PALLD: variants seen among roughly 807,000 people sequenced by gnomAD.
PALLD encodes the protein palladin.
A neutral mutation model predicts 123.5 loss-of-function variants in PALLD; 61 were observed. The ratio of observed to expected loss-of-function variants is 0.49; its 90% CI spans 0.40 to 0.61. The LOEUF is 0.61. PALLD is among the 20% of genes least tolerant of loss of function. PALLD has a pLI of 0.00. For missense variants in PALLD, 1,273 were observed against 1,377.0 expected (o/e 0.92, Z 1.20); for synonymous variants, 465 against 496.4 (o/e 0.94, Z 0.84).
intron 8 of PALLD, among the ~76,000 whole-genome samples, chr4:168,704,869 C>T (rs968500881): frequency 2.6e-5 from 4 of 151,884 alleles, no homozygotes; most frequent in African/African-American, 7.3e-5. Flanking sequence ...CCAAAAAGAT[C>T]CTGTCTTTGT....
At chr4:168,661,429 T>C (rs986265510) in intron 2 of PALLD, among the ~76,000 whole-genome samples, 4 of 152,180 alleles carry the variant, frequency 2.6e-5, no homozygotes, top group African/African-American at 9.6e-5. Context: ...AATTGATTGA[T>C]GAATGAATGA....
intron 10 of PALLD, among the ~76,000 whole-genome samples, chr4:168,769,844 G>A (rs769303735): frequency 1.3e-5 from 2 of 152,298 alleles, no homozygotes; most frequent in African/African-American, 2.4e-5. Context: ...AAAGCCTGAT[G>A]TAAAATCTTG....
rs1317336146 is a variant in PALLD, at chr4:168,921,755, T to G, written c.3058+14T>G. 2 of 1,594,590 alleles carry G rather than the reference T, an allele frequency of 1.3e-6. No homozygotes were observed. Among genetic ancestry groups the G allele is most frequent in the Non-Finnish European group, 1.7e-6 (2 of 1,164,418 alleles). ...TTGTGGTTGCTGGTAGGCTCATCTG[T>G]GAATCCTTGCTCTCTGACAGAATGA... On this transcript the variant is annotated intron_variant, in intron 18 of 21. Coordinates refer to ENST00000505667, the MANE Select transcript of PALLD (RefSeq NM_001166108.2).
At chr4:168,769,920 A>G (rs1399317681) in intron 10 of PALLD, among the ~76,000 whole-genome samples, 2 of 152,212 alleles carry the variant, frequency 1.3e-5, no homozygotes, top group Non-Finnish European at 2.9e-5. Context: ...ATCTCTCCCA[A>G]ATGAGGCCAT....
chr4:168,835,287 A>G (rs929705696), intron 10 of PALLD, among the ~76,000 whole-genome samples: 1 of 152,250 alleles, frequency 6.6e-6, no homozygotes, highest in African/African-American at 2.4e-5. Flanking sequence ...TATTTTACAA[A>G]TAATCTTCTA....
intron 10 of PALLD, among the ~76,000 whole-genome samples, chr4:168,753,465 G>T (rs535000727): frequency 6.7e-6 from 1 of 150,092 alleles, no homozygotes; most frequent in African/African-American, 2.5e-5. Context: ...TACCAACTCC[G>T]CCCTAGCCAG....
chr4:168,619,223 G>A (rs897081341), intron 2 of PALLD, among the ~76,000 whole-genome samples: 3 of 152,170 alleles, frequency 2.0e-5, no homozygotes, highest in Non-Finnish European at 2.9e-5. Flanking sequence ...TTTCTGAAGC[G>A]AGATAACTTG....
In PALLD at chr4:168,837,558, C is replaced by T. The variant is rs1007224173; in HGVS notation, c.1965-53364C>T. Among the ~76,000 whole-genome samples the T allele has an allele frequency of 1.2e-4, 19 of 152,114 alleles. 1 individual carries two copies. The highest frequency in any genetic ancestry group is 3.9e-4 in the African/African-American group (16 of 41,408). ...TTCGAATTAATCATAGAATATATACCGTTCGTTGAGTACTTCAAACCAGAA... is the reference window on the plus strand; with the variant it reads ...TTCGAATTAATCATAGAATATATACTGTTCGTTGAGTACTTCAAACCAGAA... On this transcript the variant is annotated intron_variant, in intron 10 of 21. Transcript: ENST00000505667.
chr4:168,776,406 A>G (rs1357460477), intron 10 of PALLD, among the ~76,000 whole-genome samples: 2 of 152,166 alleles, frequency 1.3e-5, no homozygotes, highest in East Asian at 1.9e-4. Context: ...TAGCATTTTT[A>G]TAGATTCCAT....
chr4:168,761,645 G>GTTTTTTTTTTTGTTTTTTTTTTTT (rs1732877276), intron 10 of PALLD, among the ~76,000 whole-genome samples: 1 of 88,024 alleles, frequency 1.1e-5, no homozygotes. Flanking sequence ...GTTGTTGTTT[G>GTTTTTTTTTTTGTTTTTTTTTTTT]TTTTTTTTTT....
chr4:168,849,534 T>G (rs959739989), intron 10 of PALLD, among the ~76,000 whole-genome samples: 1 of 152,242 alleles, frequency 6.6e-6, no homozygotes, highest in Non-Finnish European at 1.5e-5. Flanking sequence ...GAATGTCTGC[T>G]TTTTAAAGTC....
chr4:168,712,263 G>A (rs1784905438), intron 10 of PALLD: 1 of 395,304 alleles, frequency 2.5e-6, no homozygotes, highest in Admixed American at 3.8e-5. Context: ...TTTATTAAAA[G>A]CATTTCAAAA....
chr4:168,623,188 C>T (rs1314345382), intron 2 of PALLD, among the ~76,000 whole-genome samples: 1 of 152,112 alleles, frequency 6.6e-6, no homozygotes, highest in African/African-American at 2.4e-5. Context: ...ATTGGGGATA[C>T]CTGCTCTGCC....
chr4:168,692,253 T>C (rs1782703849), intron 8 of PALLD, among the ~76,000 whole-genome samples: 1 of 152,142 alleles, frequency 6.6e-6, no homozygotes, highest in African/African-American at 2.4e-5. Context: ...GTGTACTGGA[T>C]CTTTAAAAGC....
rs1276023130 is a variant in PALLD, at chr4:168,913,976, G to C, written c.2672G>C (p.Arg891Thr). Reference protein sequence around the residue: ...GRLMVQAVNQRGRSPRSPSGH... With the variant: ...GRLMVQAVNQTGRSPRSPSGH... ...CTAATGGTACAGGCTGTCAACCAAAGAGGTCGAAGTCCCCGGTCTCCCTCA... is the reference window on the plus strand; with the variant it reads ...CTAATGGTACAGGCTGTCAACCAAACAGGTCGAAGTCCCCGGTCTCCCTCA... The change falls in exon 16 of 22, where the codon AGA becomes ACA. Residue 891 changes from arginine to threonine, a missense_variant. This residue lies in a region of PALLD where 329 missense variants were observed against 422.5 expected (regional missense o/e 0.78). Coordinates refer to ENST00000505667, the MANE Select transcript of PALLD (RefSeq NM_001166108.2). 6.2e-7 allele frequency: 1 copy of C among 1,613,492 alleles called. No homozygotes were observed. The highest frequency in any genetic ancestry group is 2.2e-5 in the East Asian group (1 of 44,864).
intron 2 of PALLD, among the ~76,000 whole-genome samples, chr4:168,635,061 AAAG>A (rs540164014): frequency 4.9e-4 from 74 of 152,312 alleles, no homozygotes; most frequent in African/African-American, 1.6e-3. Context: ...CCAATAACTG[AAAG>A]AAGGTTTCTT....
intron 14 of PALLD, among the ~76,000 whole-genome samples, chr4:168,903,552 A>T (rs1757004590): frequency 6.6e-6 from 1 of 152,194 alleles, no homozygotes; most frequent in African/African-American, 2.4e-5. Context: ...AAAGGAAGAT[A>T]TATAATTTAA....
chr4:168,614,238 T>A (rs1258113376), intron 2 of PALLD, among the ~76,000 whole-genome samples: 1 of 152,236 alleles, frequency 6.6e-6, no homozygotes, highest in Non-Finnish European at 1.5e-5. Flanking sequence ...GATTGTATTA[T>A]TTTTTAAAAA....
chr4:168,916,280 C>T (rs924119137), intron 17 of PALLD, among the ~76,000 whole-genome samples: 2 of 152,008 alleles, frequency 1.3e-5, no homozygotes, highest in African/African-American at 2.4e-5. Flanking sequence ...GGCGTGGTGG[C>T]GTGTGCCTAT....
Sources: allele counts gnomAD v4.1 joint callset (sites outside exome capture counted in the v4.1 genomes callset), GRCh38; gene constraint gnomAD v4.1.1; regional missense constraint gnomAD v4.1.1; transcripts MANE v1.5; gene names NCBI Gene and HGNC (gene_info 2026-07-23, HGNC 2026-07-21).